PARG: variants seen among roughly 807,000 people sequenced by gnomAD.
PARG encodes poly(ADP-ribose) glycohydrolase, also known as mitochondrial poly(ADP-ribose) glycohydrolase.
Under a neutral mutation model 113.0 loss-of-function variants are expected in PARG, and 35 were observed. The observed-to-expected ratio is 0.31, with a 90% CI of 0.24 to 0.41. PARG has a LOEUF of 0.41. PARG is among the 10% of genes least tolerant of loss of function. The probability of loss-of-function intolerance (pLI) is 1.00; values close to 1 mark genes in which losing one functional copy is unlikely to be tolerated. For missense variants in PARG, 797 were observed against 1,169.4 expected (o/e 0.68, Z 4.64); for synonymous variants, 330 against 409.9 (o/e 0.81, Z 2.36).
At chr10:49,928,568 G>T (rs1427063586) in intron 4 of PARG, among the ~76,000 whole-genome samples, 3 of 152,174 alleles carry the variant, frequency 2.0e-5, no homozygotes, top group Non-Finnish European at 2.9e-5. Context: ...AAGAAACAGG[G>T]TCTTACTCTG....
At chr10:49,827,361 A>G (rs188473079) in intron 16 of PARG, among the ~76,000 whole-genome samples, 1 of 152,382 alleles carries the variant, frequency 6.6e-6, no homozygotes, top group African/African-American at 2.4e-5. Flanking sequence ...AAAAAATGCA[A>G]CAAGACACAT....
intron 4 of PARG, among the ~76,000 whole-genome samples, chr10:49,925,146 A>C (rs1838088348): frequency 6.6e-6 from 1 of 151,978 alleles, no homozygotes; most frequent in South Asian, 2.1e-4. Context: ...CCATGGAAAA[A>C]TGGTCTTCCA....
chr10:49,832,906 A>G lies in PARG; in HGVS notation c.2544T>C (p.Ala848=). ...PEKMRRELNK[A]YCGFLRPGVS... is the part of the protein sequence containing the mutation. ...CTCCAGGACGGAGAAATCCACAGTA[A>G]GCCTGCAGGATAAAAGAATTATCAA... The change falls in exon 16 of 18, where the codon GCT becomes GCC. Residue 848 remains alanine (A), a splice_region_variant and synonymous_variant. Coordinates refer to ENST00000616448, the MANE Select transcript of PARG (RefSeq NM_003631.5). The G allele has an allele frequency of 6.6e-7, 1 of 1,521,090 alleles. No homozygotes were observed. Among genetic ancestry groups the G allele is most frequent in the Non-Finnish European group, 8.9e-7 (1 of 1,119,996 alleles). The allele number at this position is 1,521,090 out of a possible 1,614,324, so 94.2% of individuals were successfully genotyped here.
intron 13 of PARG, among the ~76,000 whole-genome samples, chr10:49,846,937 T>C (rs1319189226): frequency 6.6e-6 from 1 of 151,406 alleles, no homozygotes; most frequent in South Asian, 2.1e-4. Flanking sequence ...AAGAAGAAAG[T>C]GCATTAAAGA....
At chr10:49,938,147 G>T (rs1377885163) in intron 1 of PARG, among the ~76,000 whole-genome samples, 4,015 of 152,196 alleles carry the variant, frequency 0.026, 93 homozygotes, top group Non-Finnish European at 0.037. Flanking sequence ...GTACCACCTT[G>T]GTCCAGTTGC....
At chr10:49,889,053 T>C (rs1554840961) in intron 7 of PARG, among the ~76,000 whole-genome samples, 2 of 86,526 alleles carry the variant, frequency 2.3e-5, no homozygotes, top group Non-Finnish European at 4.7e-5. Flanking sequence ...TTGGTTTCTC[T>C]GGATAGTTTT....
At chr10:49,883,093 G>GGT (rs1476053107) in intron 8 of PARG, among the ~76,000 whole-genome samples, 15 of 152,148 alleles carry the variant, frequency 9.9e-5, no homozygotes, top group Non-Finnish European at 1.9e-4. Context: ...GCATTACTGA[G>GGT]GTAAAATTAA....
intron 16 of PARG, among the ~76,000 whole-genome samples, chr10:49,822,501 C>A (rs1229056009): frequency 3.3e-5 from 5 of 152,146 alleles, no homozygotes; most frequent in African/African-American, 7.2e-5. Flanking sequence ...AAACAAAAAA[C>A]AGACGGGCCA....
At chr10:49,858,331 T>TCACACACACACACA (rs3048417) in intron 12 of PARG, among the ~76,000 whole-genome samples, 19 of 145,042 alleles carry the variant, frequency 1.3e-4, no homozygotes, top group East Asian at 3.9e-4. Context: ...AGGAGTTAGA[T>TCACACACACACACA]CACACACACA....
At chr10:49,906,721 G>A (rs1848609516) in intron 7 of PARG, among the ~76,000 whole-genome samples, 1 of 152,056 alleles carries the variant, frequency 6.6e-6, no homozygotes, top group African/African-American at 2.4e-5. Context: ...AAAACTCTCA[G>A]TAATAAGCAC....
At chr10:49,866,826 G>A (rs1364179114) in intron 10 of PARG, among the ~76,000 whole-genome samples, 1 of 152,010 alleles carries the variant, frequency 6.6e-6, no homozygotes, top group African/African-American at 2.4e-5. Context: ...CTATATACAG[G>A]TCATAAATTT....
intron 13 of PARG, among the ~76,000 whole-genome samples, chr10:49,846,746 A>G (rs1588892158): frequency 2.0e-5 from 3 of 149,214 alleles, no homozygotes; most frequent in Non-Finnish European, 4.5e-5. Flanking sequence ...ACAGTTGTAT[A>G]TGTGTGTGTG....
At position 49,874,851 on chromosome 10, in the gene PARG, C is replaced by T. The variant is rs533685671; in HGVS notation, c.1988+4822G>A. ...CCTGGTCGACAGAGCGAGACTCTGT[C>T]CCAAAAAAAACAAAAACAAAAACAA... On this transcript the variant is annotated intron_variant, in intron 9 of 17. Coordinates refer to ENST00000616448, the MANE Select transcript of PARG (RefSeq NM_003631.5). Among the ~76,000 whole-genome samples, 233 of 133,760 alleles carry T rather than the reference C, an allele frequency of 1.7e-3. 20 individuals carry two copies. The highest frequency in any genetic ancestry group is 1.9e-3 in the Non-Finnish European group (116 of 59,750). The allele number at this position is 133,760 out of a possible 152,430, so 87.8% of individuals were successfully genotyped here.
At chr10:49,904,966 T>C (rs1370398079) in intron 7 of PARG, among the ~76,000 whole-genome samples, 7 of 152,180 alleles carry the variant, frequency 4.6e-5, no homozygotes, top group Admixed American at 1.3e-4. Flanking sequence ...GCAGAAGTGA[T>C]AGTCATGCTG....
At chr10:49,936,232 A>C (rs1838731451) in intron 1 of PARG, among the ~76,000 whole-genome samples, 1 of 152,164 alleles carries the variant, frequency 6.6e-6, no homozygotes, top group African/African-American at 2.4e-5. Flanking sequence ...AAGTGAGGAG[A>C]GTCATTACAG....
chr10:49,841,913 A>G, intron 15 of PARG, 37 bp downstream of exon 15: 1 of 1,297,552 alleles, frequency 7.7e-7, no homozygotes. Flanking sequence ...TAAATAGATG[A>G]CAGCTGCCAG....
chr10:49,867,903 A>G (rs539643024), intron 10 of PARG, among the ~76,000 whole-genome samples: 16 of 152,332 alleles, frequency 1.1e-4, no homozygotes, highest in African/African-American at 3.8e-4. Context: ...TCTACTTAAA[A>G]TGGCAACTCA....
chr10:49,840,181 G>C (rs555459320), intron 15 of PARG, among the ~76,000 whole-genome samples: 4 of 152,226 alleles, frequency 2.6e-5, no homozygotes, highest in African/African-American at 9.6e-5. Flanking sequence ...CTTGAGCCCA[G>C]GAGTTTGAAA....
chr10:49,821,863 A>G (rs1479813492), intron 16 of PARG, among the ~76,000 whole-genome samples: 1 of 152,200 alleles, frequency 6.6e-6, no homozygotes, highest in African/African-American at 2.4e-5. Flanking sequence ...GGAAAGGAAG[A>G]AGAACAGGAA....
Sources: allele counts gnomAD v4.1 joint callset (sites outside exome capture counted in the v4.1 genomes callset), GRCh38; gene constraint gnomAD v4.1.1; transcripts MANE v1.5; gene names NCBI Gene and HGNC (gene_info 2026-07-23, HGNC 2026-07-21).